Variants in CFAP299 observed in about 807,000 individuals in gnomAD.
The protein encoded by CFAP299 is cilia and flagella associated protein 299, also known as cilia- and flagella-associated protein 299.
In CFAP299, 21 loss-of-function variants were observed where a neutral mutation model predicts 27.0. That is an observed-to-expected ratio of 0.78 (90% CI 0.55 to 1.12). The LOEUF (loss-of-function observed/expected upper bound fraction) is 1.12, where lower values mean the gene tolerates loss of function less well. CFAP299 is among the 50% of genes most tolerant of loss of function. The pLI is 0.00. For synonymous variants in CFAP299, 104 were observed against 98.1 expected, an observed-to-expected ratio of 1.06 and a Z score of -0.36; for missense variants, 310 against 276.6, an observed-to-expected ratio of 1.12 and a Z score of -0.86.
In CFAP299 at chr4:80,448,763, G is replaced by T. The variant is rs553999736; in HGVS notation, c.242+85879G>T. Reference sequence around the variant, plus strand: ...CAACAGGTATAATACTTTATTTTCAGCTTCAAGTAATTCTTAGGATTCAAA... The same window carrying T: ...CAACAGGTATAATACTTTATTTTCATCTTCAAGTAATTCTTAGGATTCAAA... On this transcript the variant is annotated intron_variant, in intron 2 of 5. Coordinates refer to ENST00000358105, the MANE Select transcript of CFAP299 (RefSeq NM_152770.3). 5.9e-5 allele frequency among the ~76,000 whole-genome samples: 9 copies of T among 152,160 alleles called. 1 individual carries two copies. Among genetic ancestry groups the T allele is most frequent in the African/African-American group, 2.2e-4 (9 of 41,524 alleles).
At chr4:80,555,540 C>T (rs990255363) in intron 2 of CFAP299, among the ~76,000 whole-genome samples, 1 of 152,010 alleles carries the variant, frequency 6.6e-6, no homozygotes, top group African/African-American at 2.4e-5. Context: ...GTTTCTCCTT[C>T]TCAATTCTTT....
intron 3 of CFAP299, among the ~76,000 whole-genome samples, chr4:80,664,196 C>A (rs547017400): frequency 6.6e-6 from 1 of 152,188 alleles, no homozygotes; most frequent in African/African-American, 2.4e-5. Context: ...GCTGTTTGGG[C>A]AGACACCAAG....
chr4:80,575,057 T>C (rs908829627), intron 2 of CFAP299, among the ~76,000 whole-genome samples: 32 of 152,162 alleles, frequency 2.1e-4, no homozygotes, highest in African/African-American at 7.0e-4. Context: ...TCTTTAAATG[T>C]GTGGTAAAAC....
intron 4 of CFAP299, among the ~76,000 whole-genome samples, chr4:80,926,361 TTGAGA>T (rs1161714387): frequency 6.6e-6 from 1 of 151,936 alleles, no homozygotes; most frequent in African/African-American, 2.4e-5. Context: ...GTGATATGTT[TTGAGA>T]TAATTGTGAT....
rs370172704 is a variant in CFAP299, at chr4:80,375,369, C to A, written c.242+12485C>A. Reference sequence around the variant, plus strand: ...GAAACATCCTATTGGCTAGGGCATTCCCCTTGAATGGCATGGCATCCCAGC... The same window carrying A: ...GAAACATCCTATTGGCTAGGGCATTACCCTTGAATGGCATGGCATCCCAGC... On this transcript the variant is annotated intron_variant, in intron 2 of 5. Transcript: ENST00000358105. Among the ~76,000 whole-genome samples the A allele has an allele frequency of 6.2e-3, 948 of 152,264 alleles. 2 individuals are homozygous for A. Among genetic ancestry groups the A allele is most frequent in the Middle Eastern group, 0.024 (7 of 294 alleles).
rs553635209 is a variant in CFAP299, at chr4:80,779,911, C to T, written c.334-90082C>T. Among the ~76,000 whole-genome samples, 7 of 152,092 alleles carry T rather than the reference C, an allele frequency of 4.6e-5. No homozygotes were observed. In the South Asian group the frequency reaches 8.3e-4, roughly 18 times the overall value. ...GAGACTGGAAAAAATAAATGTTCTC[C>T]GGAATCTCATTGACTCAAAGCCTCC... On this transcript the variant is annotated intron_variant, in intron 3 of 5. Transcript: ENST00000358105.
chr4:80,853,020 T>G (rs1383367522), intron 3 of CFAP299, among the ~76,000 whole-genome samples: 8 of 109,772 alleles, frequency 7.3e-5, no homozygotes, highest in Non-Finnish European at 1.5e-4. Flanking sequence ...TTATTTTCTT[T>G]TTATTTATTT....
chr4:80,928,878 C>T (rs1051000073), intron 4 of CFAP299, among the ~76,000 whole-genome samples: 6 of 151,980 alleles, frequency 3.9e-5, no homozygotes, highest in Non-Finnish European at 7.4e-5. Flanking sequence ...CCTCATATTC[C>T]GTTCTGTCCT....
intron 3 of CFAP299, among the ~76,000 whole-genome samples, chr4:80,663,122 T>A (rs918416835): frequency 3.3e-5 from 5 of 152,136 alleles, no homozygotes; most frequent in Non-Finnish European, 4.4e-5. Flanking sequence ...TTGCCATTTT[T>A]AAAATTTTTT....
At chr4:80,417,099 G>C (rs1727054329) in intron 2 of CFAP299, among the ~76,000 whole-genome samples, 1 of 152,204 alleles carries the variant, frequency 6.6e-6, no homozygotes, top group African/African-American at 2.4e-5. Context: ...GAAAAGGGGT[G>C]GGCAATTCCC....
chr4:80,779,310 T>C (rs1054529171), intron 3 of CFAP299, among the ~76,000 whole-genome samples: 1 of 152,090 alleles, frequency 6.6e-6, no homozygotes, highest in Non-Finnish European at 1.5e-5. Flanking sequence ...AGTCAACACC[T>C]CTACTCAGTA....
At chr4:80,903,822 C>T (rs573914260) in intron 4 of CFAP299, among the ~76,000 whole-genome samples, 1 of 152,024 alleles carries the variant, frequency 6.6e-6, no homozygotes, top group East Asian at 1.9e-4. Flanking sequence ...TAATGTAACA[C>T]ATAGTCTCTC....
rs141301397 is a variant in CFAP299 at position 80,393,331 on chromosome 4, ATTAT to A, written c.242+30451_242+30454del. The stretch of plus-strand genomic sequence containing the variant: ...AGTTACAGTAAGCTAAGATTAATTT[ATTAT>A]TTAAGAAAGAATAACAATTTTGTGT... On this transcript the variant is annotated intron_variant, in intron 2 of 5. Transcript: ENST00000358105. Among the ~76,000 whole-genome samples the A allele has an allele frequency of 1.1e-3, 162 of 152,300 alleles. No individual in the cohort carries two copies. The East Asian group carries it at 0.028, about 26-fold the overall frequency.
At chr4:80,587,975 G>A (rs778811848) in intron 3 of CFAP299, among the ~76,000 whole-genome samples, 2 of 151,228 alleles carry the variant, frequency 1.3e-5, no homozygotes, top group East Asian at 3.9e-4. Flanking sequence ...TATTGAGAAA[G>A]TTCTCTCATC....
In CFAP299 at chr4:80,591,104, A is replaced by ATTTTTTT. The variant is rs1339201630; in HGVS notation, c.333+7921_333+7922insTTTTTTT. 4.4e-4 allele frequency among the ~76,000 whole-genome samples: 51 copies of ATTTTTTT among 116,526 alleles called. 2 individuals are homozygous for ATTTTTTT. Among genetic ancestry groups the ATTTTTTT allele is most frequent in the Non-Finnish European group, 6.3e-4 (37 of 58,336 alleles). The allele number at this position is 116,526 out of a possible 152,430, so 76.4% of individuals were successfully genotyped here. Reference sequence around the variant, plus strand: ...AGAAACAGATTATAATACTTTAGGAAATTTTTTTTTTTTTTTTTTTTTTTT... The same window carrying ATTTTTTT: ...AGAAACAGATTATAATACTTTAGGAATTTTTTTATTTTTTTTTTTTTTTTTTTTTTTT... On this transcript the variant is annotated intron_variant, in intron 3 of 5. Coordinates refer to ENST00000358105, the MANE Select transcript of CFAP299 (RefSeq NM_152770.3).
At chr4:80,405,190 C>T (rs1361794249) in intron 2 of CFAP299, among the ~76,000 whole-genome samples, 3 of 152,224 alleles carry the variant, frequency 2.0e-5, no homozygotes, top group Non-Finnish European at 4.4e-5. Context: ...ACATACCAGA[C>T]GCTGGCCTGT....
At chr4:80,803,570 T>C (rs573703253) in intron 3 of CFAP299, among the ~76,000 whole-genome samples, 1 of 152,038 alleles carries the variant, frequency 6.6e-6, no homozygotes, top group East Asian at 1.9e-4. Flanking sequence ...AGTTTACATT[T>C]ATCTTATAGA....
intron 2 of CFAP299, among the ~76,000 whole-genome samples, chr4:80,408,227 C>A (rs1364441596): frequency 6.6e-6 from 1 of 152,194 alleles, no homozygotes; most frequent in Non-Finnish European, 1.5e-5. Flanking sequence ...AAACCAATTT[C>A]CCCACCTAAC....
chr4:80,832,454 G>A (rs1730346201), intron 3 of CFAP299, among the ~76,000 whole-genome samples: 1 of 152,150 alleles, frequency 6.6e-6, no homozygotes. Context: ...ACATGTATTA[G>A]CCATAGACAA....
Sources: gnomAD v4.1 joint callset for allele counts (sites outside exome capture counted in the v4.1 genomes callset) on GRCh38, gnomAD v4.1.1 for gene constraint, MANE v1.5 for transcripts, NCBI Gene and HGNC (gene_info 2026-07-23, HGNC 2026-07-21) for gene names.